Variants in FSD1L observed in about 807,000 individuals in gnomAD.
FSD1L encodes FSD1-like protein.
FSD1L carries 45 observed loss-of-function variants against 71.6 expected under a neutral mutation model. That is an observed-to-expected ratio of 0.63 (90% CI 0.49 to 0.81). The LOEUF is 0.81. Among genes scored for constraint, FSD1L ranks in the 30% least tolerant of loss-of-function variants. The probability of loss-of-function intolerance (pLI) is 0.00; values close to 1 mark genes in which losing one functional copy is unlikely to be tolerated. For missense variants in FSD1L, 561 were observed against 618.1 expected (o/e 0.91, Z 0.98); for synonymous variants, 197 against 207.2 (o/e 0.95, Z 0.42).
chr9:105,512,416 T>C (rs1834447943), intron 9 of FSD1L, among the ~76,000 whole-genome samples: 3 of 152,130 alleles, frequency 2.0e-5, no homozygotes, highest in Admixed American at 6.5e-5. Flanking sequence ...TTTTACACTA[T>C]GTAATTTTAT....
At chr9:105,480,458 AT>A (rs1351542947) in intron 6 of FSD1L, among the ~76,000 whole-genome samples, 2 of 152,008 alleles carry the variant, frequency 1.3e-5, no homozygotes, top group Non-Finnish European at 2.9e-5. Context: ...CACCCAGCTA[AT>A]TTTTGTATTT....
intron 5 of FSD1L, among the ~76,000 whole-genome samples, chr9:105,475,547 A>G (rs996272828): frequency 6.6e-6 from 1 of 152,234 alleles, no homozygotes; most frequent in Admixed American, 6.5e-5. Context: ...GCTGAAGTTA[A>G]GAATGTTAGG....
chr9:105,534,960 G>T, intron 11 of FSD1L, 107 bp from the exon 12 acceptor site: 1 of 1,027,708 alleles, frequency 9.7e-7, no homozygotes, highest in South Asian at 1.5e-5. Context: ...TATAGGAAAA[G>T]TACTTGAATA....
At chr9:105,479,239 T>A in intron 5 of FSD1L, 115 bp from the exon 6 acceptor site, 2 of 810,646 alleles carry the variant, frequency 2.5e-6, no homozygotes, top group South Asian at 3.4e-5. Context: ...TTGGTGAATA[T>A]GAACTAATCT....
rs773133177 is a variant in FSD1L at position 105,547,387 on chromosome 9, TAG to T, written c.*907_*908del. 214 of 152,592 alleles carry T rather than the reference TAG, an allele frequency of 1.4e-3. No homozygotes were observed. The highest frequency in any genetic ancestry group is 2.5e-3 in the Non-Finnish European group (171 of 67,918). The allele number at this position is 152,592 out of a possible 1,614,324, so 9.5% of individuals were successfully genotyped here. On this transcript the variant is annotated 3_prime_UTR_variant, in exon 14 of 14. Coordinates refer to ENST00000481272, the MANE Select transcript of FSD1L (RefSeq NM_001145313.3). ...GGAATCAAAGTTTATTAAAGTTACA[TAG>T]AGGATTGAAAAATGTATATCACTCA... is the stretch of plus-strand genomic sequence containing the variant.
chr9:105,526,162 G>T (rs1379588736), intron 10 of FSD1L: 1 of 1,586,790 alleles, frequency 6.3e-7, no homozygotes, highest in Non-Finnish European at 8.6e-7. Flanking sequence ...ACCCATTATG[G>T]TTAGAGCAAC....
At position 105,547,164 on chromosome 9, in the gene FSD1L, G is replaced by T. The variant is rs1350565905; in HGVS notation, c.*681G>T. 1 of 152,372 alleles carries T rather than the reference G, an allele frequency of 6.6e-6. No individual in the cohort carries two copies. Among genetic ancestry groups the T allele is most frequent in the Non-Finnish European group, 1.5e-5 (1 of 67,940 alleles). 9.4% of individuals were successfully genotyped at this position (152,372 alleles called of 1,614,324 possible). ...TACTGCACTAACAATGGCAAGGGGG[G>T]TATTCTTTATATGTTGCCTTGTTTA... On this transcript the variant is annotated 3_prime_UTR_variant, in exon 14 of 14. Transcript: ENST00000481272.
At chr9:105,462,164 T>C (rs1174930736) in intron 2 of FSD1L, among the ~76,000 whole-genome samples, 2 of 152,120 alleles carry the variant, frequency 1.3e-5, no homozygotes, top group African/African-American at 4.8e-5. Flanking sequence ...TATCTGCCTT[T>C]TTTTTGGTAC....
chr9:105,539,957 G>T (rs545589071), intron 13 of FSD1L, among the ~76,000 whole-genome samples: 1 of 152,014 alleles, frequency 6.6e-6, no homozygotes, highest in Admixed American at 6.6e-5. Context: ...GAATACTTTT[G>T]TTCATATCTT....
intron 10 of FSD1L, chr9:105,525,971 T>C: frequency 6.4e-7 from 1 of 1,571,432 alleles, no homozygotes; most frequent in Non-Finnish European, 8.8e-7. Flanking sequence ...GAAGTGCACA[T>C]TGTTTGGTCA....
In FSD1L at chr9:105,548,107, A is replaced by G. The variant is rs1837109369; in HGVS notation, c.*1624A>G. 3 of 152,096 alleles carry G rather than the reference A, an allele frequency of 2.0e-5. No homozygotes were observed. Among genetic ancestry groups the G allele is most frequent in the Admixed American group, 2.0e-4 (3 of 15,260 alleles). 9.4% of individuals were successfully genotyped at this position (152,096 alleles called of 1,614,324 possible). On this transcript the variant is annotated 3_prime_UTR_variant, in exon 14 of 14. Coordinates refer to ENST00000481272, the MANE Select transcript of FSD1L (RefSeq NM_001145313.3). ...TCTAGAGGACATTCATATCTGCACTATTATCTGATGACATGTTGGTAATTT... is the reference window on the plus strand; with the variant it reads ...TCTAGAGGACATTCATATCTGCACTGTTATCTGATGACATGTTGGTAATTT...
chr9:105,535,367 A>G, intron 12 of FSD1L, 49 bp downstream of exon 12: 6 of 1,533,106 alleles, frequency 3.9e-6, no homozygotes, highest in Non-Finnish European at 5.3e-6. Context: ...CTTGCATTTC[A>G]GTACCTTTCA....
intron 10 of FSD1L, chr9:105,525,940 T>C: frequency 6.4e-7 from 1 of 1,566,758 alleles, no homozygotes; most frequent in Non-Finnish European, 8.8e-7. Context: ...GACCAAAAAA[T>C]TGAGACATTT....
Position 105,481,176 on chromosome 9 carries a change from T to TGTGTGTGTGTGTGG in FSD1L, c.464+1803_464+1804insTGTGTGTGTGGGTG, listed in dbSNP as rs1454412244. On this transcript the variant is annotated intron_variant, in intron 6 of 13. Coordinates refer to ENST00000481272, the MANE Select transcript of FSD1L (RefSeq NM_001145313.3). The stretch of plus-strand genomic sequence containing the variant: ...GTGTGTGTGTGTGTGTGTGTGTGTG[T>TGTGTGTGTGTGTGG]GTGGTTCTTTTTTTTTTTTTTTTTT... Among the ~76,000 whole-genome samples, 320 of 123,194 alleles carry TGTGTGTGTGTGTGG rather than the reference T, an allele frequency of 2.6e-3. 10 individuals are homozygous for TGTGTGTGTGTGTGG. The highest frequency in any genetic ancestry group is 4.7e-3 in the Admixed American group (52 of 11,056). The allele number at this position is 123,194 out of a possible 152,430, so 80.8% of individuals were successfully genotyped here.
At chr9:105,534,138 C>CA (rs1836110496) in intron 10 of FSD1L, among the ~76,000 whole-genome samples, 1 of 152,112 alleles carries the variant, frequency 6.6e-6, no homozygotes, top group Non-Finnish European at 1.5e-5. Context: ...CATTTAACTG[C>CA]AAAAAAATGT....
At chr9:105,456,517 C>A (rs1323879893) in intron 1 of FSD1L, among the ~76,000 whole-genome samples, 1 of 152,166 alleles carries the variant, frequency 6.6e-6, no homozygotes, top group Non-Finnish European at 1.5e-5. Flanking sequence ...AGCTGTGCTG[C>A]GTTGAAGAGA....
In FSD1L at chr9:105,485,170, A is replaced by G. The variant is rs547215690; in HGVS notation, c.586+668A>G. Among the ~76,000 whole-genome samples the G allele has an allele frequency of 7.2e-5, 11 of 152,336 alleles. No homozygotes were observed. In the South Asian group the frequency reaches 2.3e-3, roughly 32 times the overall value. ...AGTCTGTTTTGTGTTGCCATAACAGAAGGCCTGAGACTGGGTAATTTATAT... is the reference window on the plus strand; with the variant it reads ...AGTCTGTTTTGTGTTGCCATAACAGGAGGCCTGAGACTGGGTAATTTATAT... On this transcript the variant is annotated intron_variant, in intron 7 of 13. Coordinates refer to ENST00000481272, the MANE Select transcript of FSD1L (RefSeq NM_001145313.3).
intron 4 of FSD1L, among the ~76,000 whole-genome samples, chr9:105,468,598 G>A (rs562528056): frequency 3.3e-5 from 5 of 151,592 alleles, no homozygotes; most frequent in South Asian, 4.2e-4. Context: ...AGGTTCAGGC[G>A]ATTCTCCTGC....
chr9:105,523,459 T>G, intron 10 of FSD1L: 4 of 1,611,922 alleles, frequency 2.5e-6, no homozygotes, highest in Non-Finnish European at 3.4e-6. Context: ...CGAAGAATGC[T>G]AGGCATTTTG....
Sources: gnomAD v4.1 joint callset for allele counts (sites outside exome capture counted in the v4.1 genomes callset) on GRCh38, gnomAD v4.1.1 for gene constraint, MANE v1.5 for transcripts, NCBI Gene and HGNC (gene_info 2026-07-23, HGNC 2026-07-21) for gene names.